Variants in NHSL1 observed in about 807,000 individuals in gnomAD.
The protein encoded by NHSL1 is NHS-like protein 1.
A neutral mutation model predicts 95.0 loss-of-function variants in NHSL1; 48 were observed. The ratio of observed to expected loss-of-function variants is 0.51; its 90% CI spans 0.40 to 0.64. The LOEUF is 0.64. Ranked by LOEUF, NHSL1 falls within the 30% of genes least tolerant of loss-of-function variation. NHSL1 has a pLI of 0.00. For synonymous variants in NHSL1, 783 were observed against 833.9 expected, an observed-to-expected ratio of 0.94 and a Z score of 1.05; for missense variants, 1,971 against 2,077.7, an observed-to-expected ratio of 0.95 and a Z score of 1.00.
chr6:138,588,804 A>T (rs957011146), intron 1 of NHSL1, among the ~76,000 whole-genome samples: 4 of 152,268 alleles, frequency 2.6e-5, no homozygotes, highest in African/African-American at 9.6e-5. Context: ...GACTTAGAGC[A>T]GATGGCTCTA....
At chr6:138,600,673 G>A (rs1784359876) in intron 1 of NHSL1, among the ~76,000 whole-genome samples, 1 of 152,122 alleles carries the variant, frequency 6.6e-6, no homozygotes, top group Non-Finnish European at 1.5e-5. Flanking sequence ...TAAATTCAGA[G>A]CTATACTTAA....
chr6:138,436,745 A>G (rs1465375054), intron 5 of NHSL1, among the ~76,000 whole-genome samples: 1 of 152,084 alleles, frequency 6.6e-6, no homozygotes, highest in Non-Finnish European at 1.5e-5. Context: ...GGACAAATTG[A>G]CTCTTGTTAC....
intron 1 of NHSL1, among the ~76,000 whole-genome samples, chr6:138,536,630 T>G (rs1260731070): frequency 2.9e-5 from 3 of 102,478 alleles, no homozygotes; most frequent in Non-Finnish European, 5.6e-5. Context: ...TTTTTTTTTT[T>G]TCACTTTAAG....
chr6:138,541,505 T>C (rs1782580200), intron 1 of NHSL1, among the ~76,000 whole-genome samples: 1 of 152,204 alleles, frequency 6.6e-6, no homozygotes, highest in Non-Finnish European at 1.5e-5. Context: ...TATTTTAGCA[T>C]GGTTTACTTC....
chr6:138,549,115 G>A (rs924804398), upstream of NHSL1, among the ~76,000 whole-genome samples: 1 of 152,206 alleles, frequency 6.6e-6, no homozygotes, highest in African/African-American at 2.4e-5. Flanking sequence ...CGGGCATGGT[G>A]GCTCATGCCT....
At chr6:138,663,312 G>T (rs999926335) in intron 1 of NHSL1, among the ~76,000 whole-genome samples, 2 of 152,062 alleles carry the variant, frequency 1.3e-5, no homozygotes, top group African/African-American at 4.8e-5. Flanking sequence ...TGTCATCCCA[G>T]CACTTTGGGA....
At chr6:138,616,462 T>C (rs918399178) in intron 1 of NHSL1, among the ~76,000 whole-genome samples, 2 of 151,546 alleles carry the variant, frequency 1.3e-5, no homozygotes, top group Admixed American at 6.6e-5. Flanking sequence ...CTTGGGATGG[T>C]GGTAGGAACA....
intron 1 of NHSL1, among the ~76,000 whole-genome samples, chr6:138,625,408 G>A (rs1583455250): frequency 6.6e-6 from 1 of 152,082 alleles, no homozygotes; most frequent in Admixed American, 6.5e-5. Context: ...CTCCCAAAGT[G>A]TGAACTGTTA....
At chr6:138,437,429 C>T (rs1334721152) in intron 5 of NHSL1, among the ~76,000 whole-genome samples, 2 of 38,038 alleles carry the variant, frequency 5.3e-5, no homozygotes, top group African/African-American at 2.2e-4. Flanking sequence ...CACACACACA[C>T]ACACACACAC....
chr6:138,562,522 C>A (rs992816856), intron 1 of NHSL1, among the ~76,000 whole-genome samples: 1 of 152,046 alleles, frequency 6.6e-6, no homozygotes, highest in African/African-American at 2.4e-5. Flanking sequence ...ACTAGCCAGG[C>A]GTGGTGGCAC....
chr6:138,625,130 TTG>T (rs1784718796), intron 1 of NHSL1, among the ~76,000 whole-genome samples: 1 of 150,750 alleles, frequency 6.6e-6, no homozygotes. Context: ...CACTTTTTTG[TTG>T]TTGTTGCTTT....
chr6:138,573,977 C>T (rs1042978610), upstream of NHSL1, among the ~76,000 whole-genome samples: 4 of 152,210 alleles, frequency 2.6e-5, no homozygotes, highest in African/African-American at 4.8e-5. Flanking sequence ...CTCACTCTGT[C>T]GCCCAGGCTG....
At chr6:138,609,570 G>A (rs1784480614) in intron 1 of NHSL1, among the ~76,000 whole-genome samples, 1 of 152,020 alleles carries the variant, frequency 6.6e-6, no homozygotes, top group African/African-American at 2.4e-5. Flanking sequence ...CTAACGTGGT[G>A]AAACCCCATC....
Position 138,522,572 on chromosome 6 carries a change from C to T in NHSL1, c.16+23051G>A, listed in dbSNP as rs146994471. ...AGGAGAATCACTTGAACCCGGGAGGCGGAGGTTGCAGTGAGCCGAGATCAC... is the reference window on the plus strand; with the variant it reads ...AGGAGAATCACTTGAACCCGGGAGGTGGAGGTTGCAGTGAGCCGAGATCAC... On this transcript the variant is annotated intron_variant, in intron 1 of 4. Coordinates refer to the NHSL1 transcript ENST00000342260. Among the ~76,000 whole-genome samples, 113 of 152,182 alleles carry T rather than the reference C, an allele frequency of 7.4e-4. 1 individual carries two copies. Among genetic ancestry groups the T allele is most frequent in the African/African-American group, 2.6e-3 (108 of 41,524 alleles).
intron 2 of NHSL1, among the ~76,000 whole-genome samples, chr6:138,492,727 C>T (rs1163112923): frequency 6.6e-6 from 1 of 152,150 alleles, no homozygotes; most frequent in Non-Finnish European, 1.5e-5. Flanking sequence ...AGTAGACTAG[C>T]TCCCCATAAA....
chr6:138,612,656 A>G (rs1784529925), intron 1 of NHSL1, among the ~76,000 whole-genome samples: 1 of 152,212 alleles, frequency 6.6e-6, no homozygotes, highest in South Asian at 2.1e-4. Flanking sequence ...TTTCTCTGAG[A>G]AAGCTTCTGT....
intron 1 of NHSL1, among the ~76,000 whole-genome samples, chr6:138,523,590 T>G (rs1781770913): frequency 8.1e-6 from 1 of 123,876 alleles, no homozygotes. Context: ...ATTACAGGCA[T>G]GAGCCACCAC....
chr6:138,462,221 G>A (rs1016479725), intron 3 of NHSL1, among the ~76,000 whole-genome samples: 1 of 152,194 alleles, frequency 6.6e-6, no homozygotes, highest in Non-Finnish European at 1.5e-5. Context: ...TTCACAGGTT[G>A]GGAAGTTCAA....
intron 1 of NHSL1, among the ~76,000 whole-genome samples, chr6:138,570,686 A>G (rs993899069): frequency 1.3e-5 from 2 of 152,242 alleles, no homozygotes; most frequent in African/African-American, 4.8e-5. Flanking sequence ...CTATACTCAT[A>G]AGCACATATT....
Sources: gnomAD v4.1 joint callset for allele counts (sites outside exome capture counted in the v4.1 genomes callset) on GRCh38, gnomAD v4.1.1 for gene constraint, MANE v1.5 for transcripts, NCBI Gene and HGNC (gene_info 2026-07-23, HGNC 2026-07-21) for gene names.